The following POGK variants were observed in gnomAD, a reference collection of about 807,000 sequenced individuals.
POGK encodes the protein pogo transposable element with KRAB domain.
In POGK, 16 loss-of-function variants were observed where a neutral mutation model predicts 54.4. The ratio of observed to expected loss-of-function variants is 0.29; its 90% CI spans 0.20 to 0.45. POGK has a LOEUF of 0.45. POGK is among the 20% of genes least tolerant of loss of function. The probability of loss-of-function intolerance (pLI) is 1.00; values close to 1 mark genes in which losing one functional copy is unlikely to be tolerated. For missense variants in POGK, 515 were observed against 795.6 expected (o/e 0.65, Z 4.24); for synonymous variants, 271 against 302.2 (o/e 0.90, Z 1.07).
chr1:166,841,054 T>C lies in POGK; in HGVS notation c.98T>C (p.Met33Thr), dbSNP rs1243202076. 2 of 1,613,942 alleles carry C rather than the reference T, an allele frequency of 1.2e-6. No individual in the cohort carries two copies. Among genetic ancestry groups the C allele is most frequent in the Non-Finnish European group, 8.5e-7 (1 of 1,179,970 alleles). ...GAACTAGAGGACGGCCCGGCAGACA[T>C]GCAGAAAGTACGAATCTGCTCTGAG... Reference protein sequence around the residue: ...SRELEDGPADMQKVRICSEGG... With the variant: ...SRELEDGPADTQKVRICSEGG... The change falls in exon 2 of 6, where the codon ATG (methionine) becomes ACG (threonine). Residue 33 changes from methionine (M) to threonine (T), a missense_variant. Transcript: ENST00000367876.
intron 2 of POGK, among the ~76,000 whole-genome samples, chr1:166,845,919 T>C (rs138472963): frequency 3.9e-5 from 6 of 152,298 alleles, no homozygotes; most frequent in African/African-American, 1.4e-4. Context: ...TCAAAGTGAA[T>C]GAGTTTGCTC....
In POGK at chr1:166,847,479, A is replaced by G. The variant is rs774370279; in HGVS notation, c.260-15A>G. 5.0e-6 allele frequency: 8 copies of G among 1,602,084 alleles called. No homozygotes were observed. Among genetic ancestry groups the G allele is most frequent in the Middle Eastern group, 1.7e-4 (1 of 5,978 alleles). ...GTAACACACAGCTGTTACCTATTTT[A>G]TTTCCTATAAACAGAATTCCCATTC... On this transcript the variant is annotated splice_polypyrimidine_tract_variant and intron_variant, in intron 3 of 5. Coordinates refer to ENST00000367876, the MANE Select transcript of POGK (RefSeq NM_017542.5).
rs954053939 is a variant in POGK at position 166,853,844 on chromosome 1, T to C, written c.*1274T>C. ...CTCATTGTCCTGTTACTGATTCACC[T>C]TTCTGATCCTTTTCAACCAGTTTTC... On this transcript the variant is annotated 3_prime_UTR_variant, in exon 6 of 6. Transcript: ENST00000367876. The C allele has an allele frequency of 1.3e-4, 20 of 152,404 alleles. No individual in the cohort carries two copies. Among genetic ancestry groups the C allele is most frequent in the African/African-American group, 4.3e-4 (18 of 41,582 alleles). The allele number at this position is 152,404 out of a possible 1,614,324, so 9.4% of individuals were successfully genotyped here.
At position 166,854,199 on chromosome 1, in the gene POGK, A is replaced by C. The variant is rs1658191909; in HGVS notation, c.*1629A>C. On this transcript the variant is annotated 3_prime_UTR_variant, in exon 6 of 6. Coordinates refer to ENST00000367876, the MANE Select transcript of POGK (RefSeq NM_017542.5). The stretch of plus-strand genomic sequence containing the variant: ...GGTTCAACTCCTGTTTCGCTCCACC[A>C]ACACCTCTGTGAGTCTCATCATCAG... The C allele has an allele frequency of 6.6e-6, 1 of 152,602 alleles. No homozygotes were observed. Among genetic ancestry groups the C allele is most frequent in the Non-Finnish European group, 1.5e-5 (1 of 68,028 alleles). 9.5% of individuals were successfully genotyped at this position (152,602 alleles called of 1,614,324 possible). A position where few individuals can be genotyped will look rare whatever the true frequency, so the allele number is the denominator to read the frequency against.
Position 166,849,548 on chromosome 1 carries a change from T to G in POGK, c.969T>G (p.His323Gln). The G allele has an allele frequency of 6.2e-7, 1 of 1,614,266 alleles. No homozygotes were observed. The highest frequency in any genetic ancestry group is 8.5e-7 in the Non-Finnish European group (1 of 1,180,038). ...MMRRYDLSLRHKVPVPQHLPE... is the reference protein window; with the variant it reads ...MMRRYDLSLRQKVPVPQHLPE... Reference sequence around the variant, plus strand: ...GAAGGTATGACCTGTCTCTGAGGCATAAAGTGCCCGTGCCCCAGCACCTGC... The same window carrying G: ...GAAGGTATGACCTGTCTCTGAGGCAGAAAGTGCCCGTGCCCCAGCACCTGC... Residue 323 changes from histidine to glutamine, a missense_variant, in exon 5 of 6, where the codon CAT becomes CAG. Transcript: ENST00000367876.
At chr1:166,846,988 A>G (rs1455121558) in intron 3 of POGK, among the ~76,000 whole-genome samples, 2 of 152,212 alleles carry the variant, frequency 1.3e-5, no homozygotes, top group South Asian at 2.1e-4. Flanking sequence ...GATAAAAACC[A>G]TGTAACCTTA....
rs766092641 is a variant in POGK at position 166,849,681 on chromosome 1, A to G, written c.1102A>G (p.Ile368Val). 1.9e-6 allele frequency: 3 copies of G among 1,614,268 alleles called. No homozygotes were observed. Among genetic ancestry groups the G allele is most frequent in the Non-Finnish European group, 2.5e-6 (3 of 1,180,052 alleles). ...AQMGNADETP[I>V]CLEVPSRVTV... ...GATGGGGAATGCAGATGAGACGCCCATTTGTTTAGAGGTGCCATCACGGGT... is the reference window on the plus strand; with the variant it reads ...GATGGGGAATGCAGATGAGACGCCCGTTTGTTTAGAGGTGCCATCACGGGT... The change falls in exon 5 of 6, where the codon ATT (isoleucine) becomes GTT (valine). Residue 368 changes from isoleucine to valine, a missense_variant. Transcript: ENST00000367876.
intron 2 of POGK, among the ~76,000 whole-genome samples, chr1:166,845,042 A>G (rs980887660): frequency 6.6e-6 from 1 of 152,170 alleles, no homozygotes; most frequent in Non-Finnish European, 1.5e-5. Flanking sequence ...CAAGTGGAGC[A>G]CAGAGCTGGG....
chr1:166,854,003 C>G lies in POGK; in HGVS notation c.*1433C>G, dbSNP rs1481008834. 3 of 152,230 alleles carry G rather than the reference C, an allele frequency of 2.0e-5. No individual in the cohort carries two copies. The highest frequency in any genetic ancestry group is 4.4e-5 in the Non-Finnish European group (3 of 68,050). The allele number at this position is 152,230 out of a possible 1,614,324, so 9.4% of individuals were successfully genotyped here. On this transcript the variant is annotated 3_prime_UTR_variant, in exon 6 of 6. Transcript: ENST00000367876. ...CGTCTAAACCCAGCTACTTTGCATT[C>G]CAGAAGTTTCCATTCCCTCCAATTC...
chr1:166,841,223 C>T (rs1193507157), intron 2 of POGK, 135 bp downstream of exon 2: 1 of 1,224,974 alleles, frequency 8.2e-7, no homozygotes, highest in African/African-American at 1.5e-5. Context: ...CCTGAGAAAA[C>T]AGCTCTGTGG....
chr1:166,845,836 G>C (rs1280881334), intron 2 of POGK, among the ~76,000 whole-genome samples: 1 of 152,210 alleles, frequency 6.6e-6, no homozygotes, highest in African/African-American at 2.4e-5. Flanking sequence ...GGAGCCCCCT[G>C]GTGCTGGGCC....
chr1:166,847,674 T>C, intron 4 of POGK, 82 bp downstream of exon 4: 1 of 1,064,000 alleles, frequency 9.4e-7, no homozygotes. Context: ...CCACGGGGTA[T>C]TTAAGAGGTA....
At chr1:166,851,833 A>T (rs1418057916) in intron 5 of POGK, 1 of 152,232 alleles carries the variant, frequency 6.6e-6, no homozygotes, top group Admixed American at 6.5e-5. Context: ...TTAAAGTATA[A>T]TTAGGTATTT....
Position 166,849,628 on chromosome 1 carries a change from G to T in POGK, c.1049G>T (p.Arg350Leu). The T allele has an allele frequency of 6.2e-7, 1 of 1,614,270 alleles. No individual in the cohort carries two copies. Among genetic ancestry groups the T allele is most frequent in the Non-Finnish European group, 8.5e-7 (1 of 1,180,060 alleles). Reference sequence around the variant, plus strand: ...TACCAGCGCAGTGTCCTGGCTCTGCGCAGGGCGCATGACTATGAGGTAGCT... The same window carrying T: ...TACCAGCGCAGTGTCCTGGCTCTGCTCAGGGCGCATGACTATGAGGTAGCT... ...VTYQRSVLALRRAHDYEVAQM... is the reference protein window; with the variant it reads ...VTYQRSVLALLRAHDYEVAQM... The change falls in exon 5 of 6, where the codon CGC becomes CTC. Residue 350 changes from arginine to leucine, a missense_variant. Arg to Leu is a moderately radical substitution (Grantham distance 102). Transcript: ENST00000367876.
At chr1:166,841,123 A>T (rs1246967873) in intron 2 of POGK, 35 bp downstream of exon 2, 1 of 1,609,732 alleles carries the variant, frequency 6.2e-7, no homozygotes, top group South Asian at 1.1e-5. Context: ...CACAGCCAGC[A>T]GATGCAGGCC....
In POGK at chr1:166,850,171, T is replaced by A; in HGVS notation, c.1592T>A (p.Leu531Gln). ...TCCAACTGGCTTCTGGCTGGGAACC[T>A]GGCGCTGAGCCCAACCGGGAATGCT... ...QYSNWLLAGN[L>Q]ALSPTGNAKK... Residue 531 changes from leucine to glutamine, a missense_variant, in exon 5 of 6, where the codon CTG (leucine) becomes CAG (glutamine). Transcript: ENST00000367876. 6.4e-7 allele frequency: 1 copy of A among 1,560,742 alleles called. No homozygotes were observed. The highest frequency in any genetic ancestry group is 8.7e-7 in the Non-Finnish European group (1 of 1,151,844).
chr1:166,843,576 AT>A (rs1377030978), intron 2 of POGK, among the ~76,000 whole-genome samples: 1 of 152,172 alleles, frequency 6.6e-6, no homozygotes, highest in Non-Finnish European at 1.5e-5. Context: ...CAGTGAGAGA[AT>A]ATATTTATAT....
At position 166,855,696 on chromosome 1, in the gene POGK, G is replaced by C. The variant is rs186543155; in HGVS notation, c.*3126G>C. On this transcript the variant is annotated 3_prime_UTR_variant, in exon 6 of 6. Transcript: ENST00000367876. ...AATTCAGGCCAGGTCCTAGAGAGTA[G>C]TGAGAAGTTTTCCAGTTTGCAGTTT... 1 of 152,422 alleles carries C rather than the reference G, an allele frequency of 6.6e-6. No individual in the cohort carries two copies. The highest frequency in any genetic ancestry group is 1.5e-5 in the Non-Finnish European group (1 of 68,098). 9.4% of individuals were successfully genotyped at this position (152,422 alleles called of 1,614,324 possible). A position where few individuals can be genotyped will look rare whatever the true frequency, so the allele number is the denominator to read the frequency against.
At chr1:166,846,929 C>T (rs527952013) in intron 3 of POGK, among the ~76,000 whole-genome samples, 191 bp downstream of exon 3, 9 of 152,144 alleles carry the variant, frequency 5.9e-5, no homozygotes, top group Admixed American at 2.6e-4. Flanking sequence ...CTCGGCAATC[C>T]GTGCTGCCTC....
Sources: allele counts gnomAD v4.1 joint callset (sites outside exome capture counted in the v4.1 genomes callset), GRCh38; gene constraint gnomAD v4.1.1; transcripts MANE v1.5; gene names NCBI Gene and HGNC (gene_info 2026-07-23, HGNC 2026-07-21).